MIDEAS: variants seen among roughly 807,000 people sequenced by gnomAD.
The protein encoded by MIDEAS is mitotic deacetylase-associated SANT domain protein.
MIDEAS carries 26 observed loss-of-function variants against 102.7 expected under a neutral mutation model. The observed-to-expected ratio is 0.25, with a 90% CI of 0.19 to 0.35. MIDEAS has a LOEUF of 0.35. MIDEAS is among the 10% of genes least tolerant of loss of function. The pLI is 1.00. For synonymous variants in MIDEAS, 585 were observed against 591.0 expected (o/e 0.99, Z 0.15); for missense variants, 1,231 against 1,435.6 (o/e 0.86, Z 2.30).
intron 1 of MIDEAS, among the ~76,000 whole-genome samples, chr14:73,771,669 GCAGCTGCGCGTCC>G (rs2053643500): frequency 6.6e-6 from 1 of 152,244 alleles, no homozygotes; most frequent in African/African-American, 2.4e-5. Flanking sequence ...ACCCAAACCT[GCAGCTGCGCGTCC>G]CAGCAGATCT....
intron 1 of MIDEAS, among the ~76,000 whole-genome samples, chr14:73,783,042 C>T (rs940536632): frequency 6.6e-6 from 1 of 152,126 alleles, no homozygotes; most frequent in Non-Finnish European, 1.5e-5. Flanking sequence ...ATGAGTGGGG[C>T]ACCAGACCTG....
At chr14:73,741,600 T>C (rs2053282201) in intron 1 of MIDEAS, among the ~76,000 whole-genome samples, 1 of 152,150 alleles carries the variant, frequency 6.6e-6, no homozygotes, top group African/African-American at 2.4e-5. Context: ...CAGTTTGCAG[T>C]TCGGCCCACC....
At chr14:73,721,251 C>A (rs767693003) in intron 11 of MIDEAS, 46 bp downstream of exon 11, 1 of 1,589,934 alleles carries the variant, frequency 6.3e-7, no homozygotes, top group Admixed American at 1.7e-5. Flanking sequence ...CCAGGCCCAG[C>A]TCCACCCTGC....
intron 1 of MIDEAS, among the ~76,000 whole-genome samples, chr14:73,778,152 C>CGGATCACCTG (rs2053708325): frequency 1.3e-5 from 2 of 151,844 alleles, no homozygotes; most frequent in East Asian, 3.9e-4. Flanking sequence ...GTCAGGAGTT[C>CGGATCACCTG]AGGAGCAGCC....
In MIDEAS at chr14:73,726,082, C is replaced by T. The variant is rs1595255035; in HGVS notation, c.2436G>A (p.Lys812=). 9 of 1,597,846 alleles carry T rather than the reference C, an allele frequency of 5.6e-6. No individual in the cohort carries two copies. Among genetic ancestry groups the T allele is most frequent in the East Asian group, 4.5e-5 (2 of 44,382 alleles). ...ILETLNKLLL[K]KPLRPHNHPL... is the part of the protein sequence containing the mutation. ...GATGGTTGTGGGGCCGCAGGGGCTTCTTCAGCAGCAGCTTATTCAGCGTTT... is the reference window on the plus strand; with the variant it reads ...GATGGTTGTGGGGCCGCAGGGGCTTTTTCAGCAGCAGCTTATTCAGCGTTT... Residue 812 remains lysine, a synonymous_variant, in exon 8 of 13, where the codon AAG becomes AAA. Transcript: ENST00000423556.
intron 3 of MIDEAS, among the ~76,000 whole-genome samples, chr14:73,736,104 T>C (rs1397735380): frequency 1.3e-5 from 2 of 151,752 alleles, no homozygotes; most frequent in Admixed American, 6.6e-5. Context: ...TGAGCTGAGA[T>C]CTCGCCATTG....
At chr14:73,748,467 G>A (rs1406926593) in intron 1 of MIDEAS, among the ~76,000 whole-genome samples, 1 of 152,136 alleles carries the variant, frequency 6.6e-6, no homozygotes, top group African/African-American at 2.4e-5. Flanking sequence ...AGAGGTGGAG[G>A]TTGCAGTGAG....
upstream of MIDEAS, among the ~76,000 whole-genome samples, chr14:73,762,499 C>CAGT (rs1487102797): frequency 6.6e-6 from 1 of 152,182 alleles, no homozygotes; most frequent in African/African-American, 2.4e-5. Context: ...CACATGTGTG[C>CAGT]AGGGGAGGAG....
At chr14:73,772,002 C>T (rs1319227618) in intron 1 of MIDEAS, among the ~76,000 whole-genome samples, 1 of 152,226 alleles carries the variant, frequency 6.6e-6, no homozygotes, top group East Asian at 1.9e-4. Context: ...CAAAGCCTCA[C>T]GTGCTCACTG....
In MIDEAS at chr14:73,722,709, C is replaced by G; in HGVS notation, c.2713G>C (p.Val905Leu). 1.2e-6 allele frequency: 2 copies of G among 1,614,042 alleles called. No individual in the cohort carries two copies. The highest frequency in any genetic ancestry group is 1.7e-6 in the Non-Finnish European group (2 of 1,179,920). The change falls in exon 10 of 13, where the codon GTG (valine) becomes CTG (leucine). Residue 905 changes from valine (V) to leucine (L), a missense_variant. Val to Leu is a conservative substitution (Grantham distance 32, BLOSUM62 1). Transcript: ENST00000423556. Reference protein sequence around the residue: ...DEKSAQEEVEVDIKTSQKFPR... With the variant: ...DEKSAQEEVELDIKTSQKFPR... The stretch of plus-strand genomic sequence containing the variant: ...GGAAAAGGAGTCACCTTAATATCCA[C>G]TTCAACCTCTTCCTGGGCCGACTTC...
intron 1 of MIDEAS, among the ~76,000 whole-genome samples, chr14:73,779,577 T>A (rs1159095269): frequency 0.012 from 1,676 of 141,380 alleles, 30 homozygotes; most frequent in African/African-American, 0.039. Flanking sequence ...ATTATTATTT[T>A]TTTTTTTTTT....
upstream of MIDEAS, among the ~76,000 whole-genome samples, chr14:73,761,825 G>T (rs531328344): frequency 3.9e-5 from 6 of 152,172 alleles, no homozygotes; most frequent in Non-Finnish European, 8.8e-5. Flanking sequence ...GAGGTTCAGA[G>T]AGGTTAAGTG....
intron 3 of MIDEAS, among the ~76,000 whole-genome samples, chr14:73,731,239 C>T (rs1353773040): frequency 2.6e-5 from 4 of 152,182 alleles, no homozygotes; most frequent in South Asian, 2.1e-4. Flanking sequence ...TATCCCTCTG[C>T]GTACTCAGTA....
Position 73,759,518 on chromosome 14 carries a change from G to A in MIDEAS, c.-248+245C>T, listed in dbSNP as rs1350006061. Among the ~76,000 whole-genome samples the A allele has an allele frequency of 6.7e-6, 1 of 149,818 alleles. No individual in the cohort carries two copies. Among genetic ancestry groups the A allele is most frequent in the Non-Finnish European group, 1.5e-5 (1 of 67,130 alleles). On this transcript the variant is annotated intron_variant, in intron 1 of 12. Transcript: ENST00000423556. This position sits in a 1 kb window ranked among gnomAD's most constrained non-coding sequence, Gnocchi z 6.7. ...GCTGCACACGCAGCTGCGGGCCGAG[G>A]GCGCGGACCGCGGGGGAGGGGGCGG...
intron 1 of MIDEAS, among the ~76,000 whole-genome samples, chr14:73,751,821 A>G (rs1302295474): frequency 6.6e-6 from 1 of 152,072 alleles, no homozygotes; most frequent in Non-Finnish European, 1.5e-5. Context: ...AATCGCTTGA[A>G]CCCAGGAGGC....
rs190472859 is a variant in MIDEAS at position 73,738,223 on chromosome 14, C to T, written c.1449+337G>A. 5.5e-3 allele frequency among the ~76,000 whole-genome samples: 832 copies of T among 152,050 alleles called. 6 individuals are homozygous for T. The highest frequency in any genetic ancestry group is 0.019 in the African/African-American group (799 of 41,522). Reference sequence around the variant, plus strand: ...CCAGCCTGACCAACATGGTAAAACCCTGTCTCTACTAAAAATACAAAAATT... The same window carrying T: ...CCAGCCTGACCAACATGGTAAAACCTTGTCTCTACTAAAAATACAAAAATT... On this transcript the variant is annotated intron_variant, in intron 2 of 12. Coordinates refer to ENST00000423556, the MANE Select transcript of MIDEAS (RefSeq NM_001367710.1).
intron 4 of MIDEAS, 51 bp downstream of exon 4, chr14:73,729,589 C>A (rs1233550671): frequency 2.7e-6 from 4 of 1,469,584 alleles, no homozygotes; most frequent in Admixed American, 3.7e-5. Context: ...TGCCTCCCTG[C>A]CCAGTGCCCC....
rs59120472 is a variant in MIDEAS, at chr14:73,742,388, GTGCGCCCCCTCCATGGGGATGGC to G, written c.-247-2156_-247-2134del. On this transcript the variant is annotated intron_variant, in intron 1 of 12. Transcript: ENST00000423556. This position sits in a 1 kb window ranked among gnomAD's most constrained non-coding sequence, Gnocchi z 4.4. ...GTGCCAGTGTGAACCTGATGGAGGG[GTGCGCCCCCTCCATGGGGATGGC>G]TGCTCAGAAGGAGATGAGGCGGGGC... Among the ~76,000 whole-genome samples the G allele has an allele frequency of 2.0e-5, 3 of 152,166 alleles. No individual in the cohort carries two copies. Among genetic ancestry groups the G allele is most frequent in the Non-Finnish European group, 4.4e-5 (3 of 68,044 alleles).
upstream of MIDEAS, chr14:73,787,575 CACAA>C (rs2053829153): frequency 6.6e-6 from 1 of 152,320 alleles, no homozygotes. Flanking sequence ...AACACCAGTA[CACAA>C]ACAAAGCGGT....
Sources: gnomAD v4.1 joint callset for allele counts (sites outside exome capture counted in the v4.1 genomes callset) on GRCh38, gnomAD v4.1.1 for gene constraint, Gnocchi (gnomAD v3.1) non-coding constraint, MANE v1.5 for transcripts, NCBI Gene and HGNC (gene_info 2026-07-23, HGNC 2026-07-21) for gene names.